Variants in NUP37 observed in about 807,000 individuals in gnomAD.
The protein encoded by NUP37 is nucleoporin 37, also known as nucleoporin Nup37.
NUP37 carries 33 observed loss-of-function variants against 45.4 expected under a neutral mutation model. The observed-to-expected ratio is 0.73, with a 90% CI of 0.55 to 0.97. The LOEUF is 0.97. Among genes scored for constraint, NUP37 ranks in the 50% least tolerant of loss-of-function variants. The pLI is 0.00. For synonymous variants in NUP37, 127 were observed against 130.7 expected (o/e 0.97, Z 0.19); for missense variants, 365 against 389.7 (o/e 0.94, Z 0.53).
At chr12:102,088,764 G>T (rs1353427889) in intron 5 of NUP37, among the ~76,000 whole-genome samples, 2 of 150,132 alleles carry the variant, frequency 1.3e-5, no homozygotes, top group East Asian at 3.9e-4. Flanking sequence ...CGGAGAGGGG[G>T]ATGTGGCAGG....
intron 5 of NUP37, among the ~76,000 whole-genome samples, chr12:102,094,525 T>G (rs1879748123): frequency 6.6e-6 from 1 of 151,998 alleles, no homozygotes; most frequent in Non-Finnish European, 1.5e-5. Context: ...GGAAGAACAC[T>G]CCATCTTAAT....
intron 4 of NUP37, among the ~76,000 whole-genome samples, chr12:102,100,469 T>C (rs1024302508): frequency 3.3e-5 from 5 of 152,230 alleles, no homozygotes; most frequent in Non-Finnish European, 7.3e-5. Flanking sequence ...AAGCGTTTTA[T>C]ATGAATTTGC....
chr12:102,107,606 A>T (rs1293328485), intron 3 of NUP37, among the ~76,000 whole-genome samples: 2 of 152,226 alleles, frequency 1.3e-5, no homozygotes, highest in Non-Finnish European at 2.9e-5. Context: ...TCATAACCCC[A>T]AACTGCAAAT....
Position 102,118,491 on chromosome 12 carries a change from C to G in NUP37, c.28G>C (p.Ala10Pro). 12 of 1,610,808 alleles carry G rather than the reference C, an allele frequency of 7.4e-6. No individual in the cohort carries two copies. The highest frequency in any genetic ancestry group is 1.0e-5 in the Non-Finnish European group (12 of 1,179,334). MKQDASRNAAYTVDCEDYVH... is the reference protein window; with the variant it reads MKQDASRNAPYTVDCEDYVH... ...TAATCTTCACAATCCACAGTGTAGG[C>G]AGCATTTCTTGAGGCATCTTGCTTC... Residue 10 changes from alanine (A) to proline (P), a missense_variant, in exon 2 of 10, where the codon GCC becomes CCC. Transcript: ENST00000552283.
chr12:102,075,992 T>C (rs1015147411), intron 8 of NUP37, among the ~76,000 whole-genome samples: 2 of 152,058 alleles, frequency 1.3e-5, no homozygotes, highest in African/African-American at 4.8e-5. Context: ...ACACTGAGAA[T>C]AGCAGAGGGA....
chr12:102,101,099 C>T lies in NUP37; in HGVS notation c.287G>A (p.Cys96Tyr), dbSNP rs1594395200. The T allele has an allele frequency of 6.4e-7, 1 of 1,557,424 alleles. No homozygotes were observed. The highest frequency in any genetic ancestry group is 8.7e-7 in the Non-Finnish European group (1 of 1,150,184). The change falls in exon 4 of 10, where the codon TGT becomes TAT. Residue 96 changes from cysteine (C) to tyrosine (Y), a missense_variant. Coordinates refer to ENST00000552283, the MANE Select transcript of NUP37 (RefSeq NM_024057.4). ...LDSLPPVIKF[C>Y]TSAADMKIRL... is the part of the protein sequence containing the mutation. ...AATTTTCATATCAGCAGCTGAAGTA[C>T]AAAATCTGGAAGCAAAAAAACAAAA...
rs372497907 is a variant in NUP37 at position 102,118,415 on chromosome 12, A to C, written c.104T>G (p.Leu35Arg). ...NPFENGDSGN[L>R]IAYGGNNYVV... ...ATAATTATTGCCACCATATGCAATTAGGTTTCCTGAATCCCCATTCTCAAA... is the reference window on the plus strand; with the variant it reads ...ATAATTATTGCCACCATATGCAATTCGGTTTCCTGAATCCCCATTCTCAAA... The change falls in exon 2 of 10, where the codon CTA becomes CGA. Residue 35 changes from leucine (L) to arginine (R), a missense_variant. Leu to Arg is a moderately radical substitution (Grantham distance 102, BLOSUM62 -2). Transcript: ENST00000552283. 2.4e-5 allele frequency: 39 copies of C among 1,613,940 alleles called. No homozygotes were observed. Among genetic ancestry groups the C allele is most frequent in the Non-Finnish European group, 3.1e-5 (36 of 1,180,002 alleles).
intron 2 of NUP37, among the ~76,000 whole-genome samples, chr12:102,115,010 G>A (rs932500680): frequency 3.9e-5 from 6 of 152,172 alleles, no homozygotes; most frequent in Non-Finnish European, 8.8e-5. Flanking sequence ...GACACACTAA[G>A]CAGCAGATTC....
intron 4 of NUP37, 83 bp downstream of exon 4, chr12:102,100,949 A>G (rs554631579): frequency 2.6e-6 from 2 of 782,092 alleles, no homozygotes; most frequent in African/African-American, 3.7e-5. Flanking sequence ...AGCCATTTTA[A>G]ATTGGAATAA....
chr12:102,104,933 G>T (rs998858481), intron 3 of NUP37, among the ~76,000 whole-genome samples: 1 of 152,164 alleles, frequency 6.6e-6, no homozygotes, highest in African/African-American at 2.4e-5. Context: ...GTCCTTTGAG[G>T]TTCCATCTGA....
intron 3 of NUP37, among the ~76,000 whole-genome samples, chr12:102,105,563 A>T (rs1880119169): frequency 6.6e-6 from 1 of 151,578 alleles, no homozygotes; most frequent in Non-Finnish European, 1.5e-5. Flanking sequence ...CATCTTTAGC[A>T]GGTTGAAAAG....
At chr12:102,084,703 T>C (rs1429239373) in intron 6 of NUP37, among the ~76,000 whole-genome samples, 2 of 147,916 alleles carry the variant, frequency 1.4e-5, no homozygotes, top group Non-Finnish European at 3.0e-5. Context: ...AGCCAGGCTG[T>C]GTCTCAAAAA....
At chr12:102,107,908 G>T (rs1880201079) in intron 3 of NUP37, among the ~76,000 whole-genome samples, 1 of 152,172 alleles carries the variant, frequency 6.6e-6, no homozygotes, top group South Asian at 2.1e-4. Context: ...TAAGGGGAAG[G>T]AAGAAGGCTG....
chr12:102,100,948 A>G, intron 4 of NUP37, 84 bp downstream of exon 4: 2 of 771,314 alleles, frequency 2.6e-6, no homozygotes, highest in Non-Finnish European at 4.1e-6. Flanking sequence ...AAGCCATTTT[A>G]AATTGGAATA....
At chr12:102,094,926 T>C (rs906991071) in intron 5 of NUP37, among the ~76,000 whole-genome samples, 15 of 152,122 alleles carry the variant, frequency 9.9e-5, no homozygotes, top group African/African-American at 3.4e-4. Context: ...CATAAACTTT[T>C]ATCTAATATT....
chr12:102,089,854 C>T (rs373306829), intron 5 of NUP37, among the ~76,000 whole-genome samples: 27 of 152,358 alleles, frequency 1.8e-4, no homozygotes, highest in African/African-American at 5.3e-4. Context: ...CATTCTACTC[C>T]TGACAGACAT....
In NUP37 at chr12:102,087,817, G is replaced by C. The variant is rs543395931; in HGVS notation, c.450-1961C>G. On this transcript the variant is annotated intron_variant, in intron 5 of 9. Transcript: ENST00000552283. Reference sequence around the variant, plus strand: ...TAAATACATTCCAAAATATTTTCATGATTTTTTTCTTTCAAATGAAGGAAA... The same window carrying C: ...TAAATACATTCCAAAATATTTTCATCATTTTTTTCTTTCAAATGAAGGAAA... Among the ~76,000 whole-genome samples, 4 of 152,152 alleles carry C rather than the reference G, an allele frequency of 2.6e-5. No individual in the cohort carries two copies. In the South Asian group the frequency reaches 8.3e-4, roughly 32 times the overall value.
At chr12:102,100,133 A>G (rs1467161325) in intron 4 of NUP37, among the ~76,000 whole-genome samples, 1 of 152,212 alleles carries the variant, frequency 6.6e-6, no homozygotes, top group Non-Finnish European at 1.5e-5. Context: ...TATAACTAGC[A>G]TATTAACTTT....
At chr12:102,074,746 T>C (rs1284568065) in intron 9 of NUP37, 2 of 436,150 alleles carry the variant, frequency 4.6e-6, no homozygotes, top group Admixed American at 7.9e-5. Flanking sequence ...GAAGAAAATA[T>C]AAAAGCAACA....
Sources: gnomAD v4.1 joint callset for allele counts (sites outside exome capture counted in the v4.1 genomes callset) on GRCh38, gnomAD v4.1.1 for gene constraint, MANE v1.5 for transcripts, NCBI Gene and HGNC (gene_info 2026-07-23, HGNC 2026-07-21) for gene names.